The following CADM2 variants were observed in gnomAD, a reference collection of about 807,000 sequenced individuals.
CADM2 encodes cell adhesion molecule 2, also known as immunoglobulin superfamily member 4D.
CADM2 carries 12 observed loss-of-function variants against 49.8 expected under a neutral mutation model. That is an observed-to-expected ratio of 0.24 (90% CI 0.15 to 0.39). The LOEUF is 0.39. CADM2 is among the 10% of genes least tolerant of loss of function. The pLI is 1.00. For missense variants in CADM2, 378 were observed against 492.3 expected (o/e 0.77, Z 2.20); for synonymous variants, 214 against 175.4 (o/e 1.22, Z -1.74).
intron 3 of CADM2, among the ~76,000 whole-genome samples, chr3:85,877,743 A>G (rs1318364868): frequency 1.8e-5 from 2 of 113,812 alleles, no homozygotes; most frequent in Non-Finnish European, 3.3e-5. Flanking sequence ...GATCCTGTGG[A>G]GAGATATTGA....
intron 1 of CADM2, among the ~76,000 whole-genome samples, chr3:85,135,725 T>G (rs1367372021): frequency 6.6e-6 from 1 of 152,098 alleles, no homozygotes. Context: ...CAAATATTGC[T>G]GTAGAAGCAT....
chr3:85,298,521 G>A (rs72921314), intron 1 of CADM2, among the ~76,000 whole-genome samples: 10,072 of 152,098 alleles, frequency 0.066, 1,095 homozygotes, highest in African/African-American at 0.23. Context: ...AGTGAAAGTG[G>A]TTTCTGAACA....
chr3:85,014,126 G>A lies in CADM2; in HGVS notation c.61+54458G>A, dbSNP rs1269841002. The stretch of plus-strand genomic sequence containing the variant: ...TATTATATATACGCAGTGTAATATT[G>A]TATATTATATATACGCAGTGTAATA... On this transcript the variant is annotated intron_variant, in intron 1 of 9. Coordinates refer to ENST00000383699, the MANE Select transcript of CADM2 (RefSeq NM_001167675.2). Among the ~76,000 whole-genome samples the A allele has an allele frequency of 2.2e-5, 3 of 137,352 alleles. No homozygotes were observed. The South Asian group carries it at 6.7e-4, about 31-fold the overall frequency. The allele number at this position is 137,352 out of a possible 152,430, so 90.1% of individuals were successfully genotyped here.
chr3:85,644,586 C>T (rs370852436), intron 1 of CADM2, among the ~76,000 whole-genome samples: 4 of 152,230 alleles, frequency 2.6e-5, no homozygotes, highest in South Asian at 2.1e-4. Flanking sequence ...CGTTCCAAAC[C>T]AAAAGTGTCC....
At chr3:85,011,714 C>A (rs2034001609) in intron 1 of CADM2, among the ~76,000 whole-genome samples, 1 of 151,948 alleles carries the variant, frequency 6.6e-6, no homozygotes, top group Admixed American at 6.6e-5. Context: ...GAGACCCCAC[C>A]TCTACAATTT....
chr3:85,188,332 A>C (rs1482587420), intron 1 of CADM2, among the ~76,000 whole-genome samples: 1 of 152,140 alleles, frequency 6.6e-6, no homozygotes, highest in Non-Finnish European at 1.5e-5. Flanking sequence ...ATGTGACCAA[A>C]AAATGCTATG....
intron 1 of CADM2, among the ~76,000 whole-genome samples, chr3:85,411,646 G>A (rs190403251): frequency 2.8e-4 from 42 of 152,222 alleles, no homozygotes; most frequent in African/African-American, 9.6e-4. Flanking sequence ...TTTCTGAAGG[G>A]TAGAGGAGGC....
intron 1 of CADM2, among the ~76,000 whole-genome samples, chr3:85,472,711 T>C (rs985632803): frequency 1.3e-5 from 2 of 152,010 alleles, no homozygotes; most frequent in Admixed American, 6.6e-5. Flanking sequence ...GTCTGCTCCA[T>C]TGGCTCTGCA....
intron 1 of CADM2, among the ~76,000 whole-genome samples, chr3:85,057,000 T>C (rs138091073): frequency 2.8e-4 from 42 of 152,230 alleles, no homozygotes; most frequent in Admixed American, 1.0e-3. Context: ...TTTTTGAAAG[T>C]TTCCATGTAA....
chr3:85,242,532 T>C (rs979785644), intron 1 of CADM2, among the ~76,000 whole-genome samples: 1 of 151,730 alleles, frequency 6.6e-6, no homozygotes, highest in Admixed American at 6.6e-5. Flanking sequence ...ATTCTAATTT[T>C]CAAATGTTGA....
At chr3:85,300,332 A>T (rs564730694) in intron 1 of CADM2, among the ~76,000 whole-genome samples, 1 of 152,136 alleles carries the variant, frequency 6.6e-6, no homozygotes, top group Admixed American at 6.6e-5. Flanking sequence ...AGAATTATTT[A>T]CTTCATTCTG....
At chr3:85,625,417 G>T (rs1183183958) in intron 1 of CADM2, among the ~76,000 whole-genome samples, 1 of 151,924 alleles carries the variant, frequency 6.6e-6, no homozygotes, top group Non-Finnish European at 1.5e-5. Flanking sequence ...AATCTGTAAG[G>T]ATGCATGCTA....
intron 1 of CADM2, among the ~76,000 whole-genome samples, chr3:85,054,112 A>G (rs762081698): frequency 6.6e-6 from 1 of 152,000 alleles, no homozygotes; most frequent in African/African-American, 2.4e-5. Flanking sequence ...CAGATATAAT[A>G]AAGGTTCTTT....
At chr3:85,715,789 A>G (rs1431970576) in intron 1 of CADM2, among the ~76,000 whole-genome samples, 1 of 152,114 alleles carries the variant, frequency 6.6e-6, no homozygotes, top group Non-Finnish European at 1.5e-5. Flanking sequence ...GTTTCCTGAG[A>G]ATGATGGTTT....
At chr3:85,912,319 A>G (rs1402317844) in intron 5 of CADM2, 54 bp from the exon 6 acceptor site, 27 of 1,336,094 alleles carry the variant, frequency 2.0e-5, no homozygotes, top group Non-Finnish European at 2.7e-5. Context: ...GAGTAAATGC[A>G]ATCTGTTTTA....
chr3:86,021,058 G>C (rs1733098293), intron 8 of CADM2, among the ~76,000 whole-genome samples: 1 of 152,136 alleles, frequency 6.6e-6, no homozygotes, highest in African/African-American at 2.4e-5. Flanking sequence ...GGAGTGCGGT[G>C]ACGAGATCTC....
intron 1 of CADM2, among the ~76,000 whole-genome samples, chr3:85,539,321 A>C (rs892782077): frequency 6.6e-6 from 1 of 152,086 alleles, no homozygotes; most frequent in African/African-American, 2.4e-5. Context: ...AATATTTTAG[A>C]TGATACTAAA....
intron 1 of CADM2, among the ~76,000 whole-genome samples, chr3:85,440,630 T>C (rs989931910): frequency 1.2e-4 from 18 of 152,130 alleles, no homozygotes; most frequent in Non-Finnish European, 2.4e-4. Context: ...ATATAAGCAT[T>C]TGGTTTGCTT....
intron 3 of CADM2, among the ~76,000 whole-genome samples, chr3:85,864,264 A>T (rs1247312434): frequency 6.6e-6 from 1 of 152,202 alleles, no homozygotes; most frequent in Admixed American, 6.5e-5. Flanking sequence ...CTTTTTCTGT[A>T]ATTATAAACA....
Sources: gnomAD v4.1 joint callset for allele counts (sites outside exome capture counted in the v4.1 genomes callset) on GRCh38, gnomAD v4.1.1 for gene constraint, MANE v1.5 for transcripts, NCBI Gene and HGNC (gene_info 2026-07-23, HGNC 2026-07-21) for gene names.